Variants in ANO4 observed in about 807,000 individuals in gnomAD.
ANO4 encodes the protein anoctamin 4.
In ANO4, 69 loss-of-function variants were observed where a neutral mutation model predicts 141.9. That is an observed-to-expected ratio of 0.49 (90% CI 0.40 to 0.59). The LOEUF (loss-of-function observed/expected upper bound fraction) is 0.59. Ranked by LOEUF, ANO4 falls within the 20% of genes least tolerant of loss-of-function variation. The pLI is 0.00. For synonymous variants in ANO4, 350 were observed against 394.3 expected (o/e 0.89, Z 1.33); for missense variants, 894 against 1,162.2 (o/e 0.77, Z 3.36).
chr12:101,103,430 GTTA>G (rs2050290628), intron 22 of ANO4, among the ~76,000 whole-genome samples: 1 of 150,950 alleles, frequency 6.6e-6, no homozygotes, highest in Non-Finnish European at 1.5e-5. Context: ...GTTGCTGAGA[GTTA>G]TTATCATGAC....
intron 22 of ANO4, among the ~76,000 whole-genome samples, chr12:101,109,045 G>A (rs2050558096): frequency 1.3e-5 from 2 of 152,060 alleles, no homozygotes; most frequent in South Asian, 4.1e-4. Context: ...GTCTGTCTTT[G>A]TTTTTCATGA....
chr12:101,078,671 AT>A (rs1240476664), intron 14 of ANO4, among the ~76,000 whole-genome samples: 2 of 152,092 alleles, frequency 1.3e-5, no homozygotes, highest in Non-Finnish European at 2.9e-5. Flanking sequence ...AGGAAAATAT[AT>A]TTTACATAGG....
chr12:101,096,791 CAA>C (rs947994212), intron 19 of ANO4, 144 bp downstream of exon 19: 51 of 635,712 alleles, frequency 8.0e-5, no homozygotes, highest in Non-Finnish European at 1.1e-4. Context: ...CTTCTCTTCC[CAA>C]ATCTCAAAAC....
At chr12:100,897,524 A>G (rs948798356) in intron 1 of ANO4, among the ~76,000 whole-genome samples, 2 of 152,244 alleles carry the variant, frequency 1.3e-5, no homozygotes, top group African/African-American at 4.8e-5. Flanking sequence ...ATCGCCCCAC[A>G]CCTGCCCTAT....
chr12:100,729,387 AAAAG>A (rs2031287785), intron 1 of ANO4, among the ~76,000 whole-genome samples: 1 of 149,428 alleles, frequency 6.7e-6, no homozygotes, highest in African/African-American at 2.5e-5. Context: ...AAAAAAAAAA[AAAAG>A]GTAACACTAA....
chr12:100,964,088 C>A (rs1021769692), intron 5 of ANO4, among the ~76,000 whole-genome samples: 1 of 152,214 alleles, frequency 6.6e-6, no homozygotes, highest in South Asian at 2.1e-4. Context: ...GATGTTAAAG[C>A]CAACTGTATA....
intron 1 of ANO4, among the ~76,000 whole-genome samples, chr12:100,732,747 C>T (rs2031432792): frequency 6.6e-6 from 1 of 152,220 alleles, no homozygotes; most frequent in South Asian, 2.1e-4. Context: ...TCTTCTGCCA[C>T]ATGCTGTCAG....
At chr12:100,778,530 T>C (rs982383600) in intron 3 of ANO4, among the ~76,000 whole-genome samples, 8 of 152,196 alleles carry the variant, frequency 5.3e-5, no homozygotes, top group African/African-American at 1.9e-4. Context: ...ATAAGCCTCC[T>C]TTCTGGATCT....
intron 17 of ANO4, among the ~76,000 whole-genome samples, chr12:101,093,602 C>T (rs2049863044): frequency 6.6e-6 from 1 of 152,144 alleles, no homozygotes. Flanking sequence ...TTACCCTAGA[C>T]TATACTCTCT....
intron 8 of ANO4, among the ~76,000 whole-genome samples, chr12:101,019,763 G>A (rs1016137173): frequency 6.6e-6 from 1 of 152,258 alleles, no homozygotes; most frequent in East Asian, 1.9e-4. Context: ...ACAAGACCTA[G>A]ACTTGCTATT....
At chr12:100,920,494 G>A (rs1402145388) in intron 2 of ANO4, among the ~76,000 whole-genome samples, 1 of 99,662 alleles carries the variant, frequency 1.0e-5, no homozygotes, top group Non-Finnish European at 2.4e-5. Flanking sequence ...CCTTAGTTGA[G>A]ATTGAAAAGC....
intron 16 of ANO4, 74 bp downstream of exon 16, chr12:101,083,892 C>A: frequency 2.3e-6 from 3 of 1,322,648 alleles, no homozygotes; most frequent in Non-Finnish European, 3.0e-6. Flanking sequence ...TCATATTGGG[C>A]ATTTGCATTG....
At chr12:101,111,468 C>T in intron 23 of ANO4, 95 bp from the exon 24 acceptor site, 1 of 1,167,096 alleles carries the variant, frequency 8.6e-7, no homozygotes, top group Non-Finnish European at 1.2e-6. Flanking sequence ...GAAGAAAGGA[C>T]CCATGAAAAG....
At chr12:101,004,322 T>C (rs754067722) in intron 8 of ANO4, among the ~76,000 whole-genome samples, 1 of 151,988 alleles carries the variant, frequency 6.6e-6, no homozygotes, top group Non-Finnish European at 1.5e-5. Flanking sequence ...CTCGGACTCC[T>C]GGGGAGGAGA....
intron 3 of ANO4, among the ~76,000 whole-genome samples, chr12:100,786,858 T>G (rs1323288166): frequency 6.6e-6 from 1 of 152,178 alleles, no homozygotes; most frequent in Non-Finnish European, 1.5e-5. Flanking sequence ...TTTTTAAAAT[T>G]CTTTGTACTG....
At chr12:101,004,175 G>A (rs560286883) in intron 8 of ANO4, among the ~76,000 whole-genome samples, 16 of 151,774 alleles carry the variant, frequency 1.1e-4, no homozygotes, top group South Asian at 1.0e-3. Context: ...CTATAGTGTC[G>A]CAAAGGAAAC....
chr12:100,924,462 A>G (rs1318104044), intron 3 of ANO4, among the ~76,000 whole-genome samples: 1 of 152,094 alleles, frequency 6.6e-6, no homozygotes, highest in Non-Finnish European at 1.5e-5. Context: ...TCAGTACAGG[A>G]TTTAAACACA....
At chr12:100,942,677 T>C (rs1404184968) in intron 5 of ANO4, 142 bp downstream of exon 5, 2 of 873,172 alleles carry the variant, frequency 2.3e-6, no homozygotes, top group Non-Finnish European at 3.3e-6. Context: ...TTGGGGAATG[T>C]TCCAATATTT....
At chr12:101,008,465 A>G (rs1389491093) in intron 8 of ANO4, among the ~76,000 whole-genome samples, 1 of 152,138 alleles carries the variant, frequency 6.6e-6, no homozygotes, top group Non-Finnish European at 1.5e-5. Flanking sequence ...CTTCCCTACA[A>G]TTCTTACTAC....
Sources: allele counts gnomAD v4.1 joint callset (sites outside exome capture counted in the v4.1 genomes callset), GRCh38; gene constraint gnomAD v4.1.1; transcripts MANE v1.5; gene names NCBI Gene and HGNC (gene_info 2026-07-23, HGNC 2026-07-21).